ZNF680: variants seen among roughly 807,000 people sequenced by gnomAD.
ZNF680 encodes the protein hypothetical protein FLJ90430.
ZNF680 carries 6 observed loss-of-function variants against 12.1 expected under a neutral mutation model. The ratio of observed to expected loss-of-function variants is 0.49; its 90% CI spans 0.27 to 0.98. The LOEUF (loss-of-function observed/expected upper bound fraction) is 0.98. ZNF680 is among the 50% of genes least tolerant of loss of function. ZNF680 has a pLI of 0.12. For synonymous variants in ZNF680, 170 were observed against 199.3 expected (o/e 0.85, Z 1.24); for missense variants, 561 against 616.3 (o/e 0.91, Z 0.95).
In ZNF680 at chr7:64,521,576, A is replaced by C. The variant is rs968573106; in HGVS notation, c.1178T>G (p.Leu393Arg). ...AGTATGAATTCTCATATGTTCAGTA[A>C]GGTTTGAGGACTGTATAAAAGCTTT... ...CGKAFIQSSNLTEHMRIHTGE... is the reference protein window; with the variant it reads ...CGKAFIQSSNRTEHMRIHTGE... Residue 393 changes from leucine to arginine, a missense_variant, in exon 4 of 4, where the codon CTT (leucine) becomes CGT (arginine). Leu to Arg is a moderately radical substitution (Grantham distance 102). Transcript: ENST00000309683. The C allele has an allele frequency of 1.2e-6, 2 of 1,612,666 alleles. No homozygotes were observed. Among genetic ancestry groups the C allele is most frequent in the Non-Finnish European group, 1.7e-6 (2 of 1,179,712 alleles).
intron 1 of ZNF680, among the ~76,000 whole-genome samples, chr7:64,559,357 G>C (rs919472125): frequency 3.3e-5 from 5 of 152,176 alleles, no homozygotes; most frequent in African/African-American, 1.2e-4. Context: ...GGGGCTGTAA[G>C]GTACATGGAT....
intron 3 of ZNF680, among the ~76,000 whole-genome samples, chr7:64,543,268 TATA>T (rs1184944803): frequency 2.0e-4 from 30 of 152,222 alleles, no homozygotes; most frequent in Non-Finnish European, 4.3e-4. Context: ...CAAAAAAGAC[TATA>T]ATAATAAAAA....
At chr7:64,540,222 T>C (rs1054876806) in intron 3 of ZNF680, among the ~76,000 whole-genome samples, 2 of 150,964 alleles carry the variant, frequency 1.3e-5, no homozygotes, top group African/African-American at 2.4e-5. Context: ...AAATAAGCCA[T>C]AACCAAAATG....
At chr7:64,523,880 TC>T (rs1215539653) in intron 3 of ZNF680, among the ~76,000 whole-genome samples, 2 of 150,412 alleles carry the variant, frequency 1.3e-5, no homozygotes, top group African/African-American at 4.9e-5. Flanking sequence ...GCCACTGCAC[TC>T]CAGCCTGGGC....
chr7:64,522,271 T>C lies in ZNF680; in HGVS notation c.483A>G (p.Lys161=). The C allele has an allele frequency of 6.2e-7, 1 of 1,613,062 alleles. No homozygotes were observed. Residue 161 remains lysine, a synonymous_variant, in exon 4 of 4, where the codon AAA becomes AAG. Coordinates refer to ENST00000309683, the MANE Select transcript of ZNF680 (RefSeq NM_178558.5). ...TTGAATTTGAAAATTTATGAAAGAC[T>C]TTCACGTATTTATCACATTGAAATA... is the stretch of plus-strand genomic sequence containing the variant. The part of the protein sequence containing the change: ...SKIFQCDKYV[K]VFHKFSNSNS...
chr7:64,559,293 G>C (rs1365859705), intron 1 of ZNF680, among the ~76,000 whole-genome samples: 1 of 152,014 alleles, frequency 6.6e-6, no homozygotes, highest in Non-Finnish European at 1.5e-5. Context: ...GAAGTCAAGG[G>C]CAAAGTTTTC....
chr7:64,551,841 A>G (rs773422455), intron 1 of ZNF680: 2 of 152,280 alleles, frequency 1.3e-5, no homozygotes, highest in Non-Finnish European at 2.9e-5. Context: ...GATTACATGT[A>G]AGATTGATGA....
chr7:64,562,992 G>A lies in ZNF680; in HGVS notation c.-38C>T. The A allele has an allele frequency of 5.0e-6, 8 of 1,612,404 alleles. No homozygotes were observed. The highest frequency in any genetic ancestry group is 6.8e-6 in the Non-Finnish European group (8 of 1,178,676). On this transcript the variant is annotated 5_prime_UTR_variant, in exon 1 of 4. Transcript: ENST00000309683. ...TCTCCCAATACCTGCAGATAACGGA[G>A]TCACAGAGGCTGGGCCTCTAGGAGC...
downstream of ZNF680, among the ~76,000 whole-genome samples, chr7:64,515,645 G>A (rs1205076014): frequency 1.3e-5 from 2 of 151,960 alleles, no homozygotes; most frequent in Non-Finnish European, 2.9e-5. Flanking sequence ...GCCCACAACT[G>A]CACAAATAAA....
chr7:64,525,626 CAATAT>C (rs1562740299), intron 3 of ZNF680: 1 of 381,720 alleles, frequency 2.6e-6, no homozygotes, highest in Non-Finnish European at 3.6e-6. Flanking sequence ...ATAACAATGT[CAATAT>C]AATAGGACTA....
At chr7:64,549,316 G>A (rs1786947131) in intron 1 of ZNF680, among the ~76,000 whole-genome samples, 1 of 152,114 alleles carries the variant, frequency 6.6e-6, no homozygotes, top group African/African-American at 2.4e-5. Context: ...TAAGATGCTT[G>A]TTTACACTTA....
At chr7:64,534,503 G>T (rs565847987) in intron 3 of ZNF680, among the ~76,000 whole-genome samples, 68 of 152,190 alleles carry the variant, frequency 4.5e-4, no homozygotes, top group African/African-American at 1.5e-3. Flanking sequence ...TCAAAAAATC[G>T]TAAAACAGTA....
chr7:64,552,453 T>C (rs1562772333), intron 1 of ZNF680, among the ~76,000 whole-genome samples: 1 of 152,236 alleles, frequency 6.6e-6, no homozygotes, highest in Admixed American at 6.5e-5. Flanking sequence ...TATTATAGTT[T>C]TCTGGTGGTC....
At chr7:64,512,937 A>C in the ZNF680 span, among the ~76,000 whole-genome samples, 5 of 152,228 alleles carry the variant, frequency 3.3e-5, no homozygotes, top group Non-Finnish European at 5.9e-5. Flanking sequence ...TTATTAATAA[A>C]GTATAAATGT....
At chr7:64,552,834 T>C (rs540604445) in intron 1 of ZNF680, among the ~76,000 whole-genome samples, 16 of 152,310 alleles carry the variant, frequency 1.1e-4, no homozygotes, top group African/African-American at 3.1e-4. Context: ...CTTTAATTTA[T>C]ATGAATGTTG....
the ZNF680 span, among the ~76,000 whole-genome samples, chr7:64,513,695 G>A: frequency 1.8e-4 from 28 of 151,942 alleles, no homozygotes; most frequent in African/African-American, 6.0e-4. Flanking sequence ...ACCCAGGCTG[G>A]AGTGCAGTGG....
chr7:64,526,174 A>T (rs1240823936), intron 3 of ZNF680: 4 of 930,516 alleles, frequency 4.3e-6, no homozygotes, highest in African/African-American at 1.8e-5. Flanking sequence ...TATATTCATT[A>T]AAAAACTCTT....
intron 1 of ZNF680, among the ~76,000 whole-genome samples, chr7:64,549,594 G>C (rs541474063): frequency 6.6e-6 from 1 of 152,080 alleles, no homozygotes; most frequent in Admixed American, 6.5e-5. Flanking sequence ...CTGCATTCTT[G>C]GGTGTTACAG....
chr7:64,560,941 C>T (rs770079196), intron 1 of ZNF680: 2 of 152,064 alleles, frequency 1.3e-5, no homozygotes, highest in Non-Finnish European at 2.9e-5. Flanking sequence ...TTTTCTGAAA[C>T]TCACCTCTTT....
Sources: gnomAD v4.1 joint callset for allele counts (sites outside exome capture counted in the v4.1 genomes callset) on GRCh38, gnomAD v4.1.1 for gene constraint, MANE v1.5 for transcripts, NCBI Gene and HGNC (gene_info 2026-07-23, HGNC 2026-07-21) for gene names.